The following ABCB5 variants were observed in gnomAD, a reference collection of about 807,000 sequenced individuals.
ABCB5 encodes ATP-binding cassette sub-family B member 5.
In ABCB5, 155 loss-of-function variants were observed where a neutral mutation model predicts 144.2. That is an observed-to-expected ratio of 1.08 (90% confidence interval 0.94 to 1.23). The LOEUF (loss-of-function observed/expected upper bound fraction) is 1.23. Ranked by LOEUF, ABCB5 falls within the 50% of genes most tolerant of loss-of-function variation. The pLI, the probability that ABCB5 is intolerant of heterozygous loss-of-function variation, is 0.00. For synonymous variants in ABCB5, 610 were observed against 528.6 expected (o/e 1.15, Z -2.11); for missense variants, 1,830 against 1,520.8 (o/e 1.20, Z -3.38).
At position 20,685,661 on chromosome 7, in the gene ABCB5, T is replaced by A. The variant is rs754135650; in HGVS notation, c.1870-35T>A. ...AAGTTTCCTTGAATTTTTAAGGCAT[T>A]CTTATAATGATAACCTATATATTCT... On this transcript the variant is annotated intron_variant, in intron 15 of 27. Transcript: ENST00000404938. 1.5e-5 allele frequency: 23 copies of A among 1,539,956 alleles called. 1 individual carries two copies. In the African/African-American group the frequency reaches 3.1e-4, roughly 21 times the overall value.
intron 26 of ABCB5, among the ~76,000 whole-genome samples, chr7:20,746,956 A>G (rs1439830278): frequency 6.6e-6 from 1 of 152,202 alleles, no homozygotes; most frequent in Non-Finnish European, 1.5e-5. Flanking sequence ...TCTTTGGTGA[A>G]GGCCAATAGC....
chr7:20,664,519 T>C (rs900250169), intron 14 of ABCB5, among the ~76,000 whole-genome samples: 2 of 152,198 alleles, frequency 1.3e-5, no homozygotes, highest in Non-Finnish European at 2.9e-5. Context: ...TTTTTGTAAA[T>C]TAAAATTATT....
At chr7:20,720,628 A>T (rs1279223037) in intron 20 of ABCB5, among the ~76,000 whole-genome samples, 1 of 152,214 alleles carries the variant, frequency 6.6e-6, no homozygotes, top group African/African-American at 2.4e-5. Flanking sequence ...ATCTTCAAAA[A>T]AGTCAAGGTC....
intron 26 of ABCB5, 47 bp downstream of exon 26, chr7:20,745,485 C>G: frequency 6.4e-7 from 1 of 1,566,974 alleles, no homozygotes; most frequent in African/African-American, 1.4e-5. Flanking sequence ...CCAAGTAAGG[C>G]TAAGTAGCTA....
At chr7:20,652,188 A>C (rs946894419) in intron 13 of ABCB5, among the ~76,000 whole-genome samples, 4 of 152,258 alleles carry the variant, frequency 2.6e-5, no homozygotes, top group Non-Finnish European at 4.4e-5. Flanking sequence ...AAAGTCATAC[A>C]CACAATGTTC....
rs764304731 is a variant in ABCB5 at position 20,651,636 on chromosome 7, T to C, written c.1536+13T>C. On this transcript the variant is annotated intron_variant, in intron 13 of 27. Coordinates refer to ENST00000404938, the MANE Select transcript of ABCB5 (RefSeq NM_001163941.2). ...GGAGTTTCCTAATGTGAGTACACTG[T>C]GCAGCCTGTGTCCTTAGCTTATGGT... 3 of 1,613,186 alleles carry C rather than the reference T, an allele frequency of 1.9e-6. No homozygotes were observed. Among genetic ancestry groups the C allele is most frequent in the Non-Finnish European group, 2.5e-6 (3 of 1,179,194 alleles).
chr7:20,735,424 G>C (rs1041469506), intron 23 of ABCB5, among the ~76,000 whole-genome samples: 3 of 152,236 alleles, frequency 2.0e-5, no homozygotes, highest in Non-Finnish European at 4.4e-5. Context: ...TGCCCTAGGA[G>C]GCTGGGCAGC....
At chr7:20,662,993 A>T (rs73684696) in intron 14 of ABCB5, among the ~76,000 whole-genome samples, 7,761 of 152,282 alleles carry the variant, frequency 0.051, 557 homozygotes, top group African/African-American at 0.16. Flanking sequence ...CACAAGATCC[A>T]TATAAGATTA....
intron 25 of ABCB5, among the ~76,000 whole-genome samples, chr7:20,744,525 T>G (rs1191490862): frequency 6.6e-6 from 1 of 151,950 alleles, no homozygotes; most frequent in Non-Finnish European, 1.5e-5. Flanking sequence ...CCTGTTACCC[T>G]GTCTTTAGGG....
chr7:20,732,487 G>A (rs938560009), intron 23 of ABCB5, among the ~76,000 whole-genome samples: 5 of 152,130 alleles, frequency 3.3e-5, no homozygotes, highest in African/African-American at 1.2e-4. Flanking sequence ...AAAACAAGTG[G>A]GTGGCACATA....
At chr7:20,674,622 G>A (rs1292427096) in intron 14 of ABCB5, among the ~76,000 whole-genome samples, 1 of 151,050 alleles carries the variant, frequency 6.6e-6, no homozygotes, top group Non-Finnish European at 1.5e-5. Context: ...CTTACCACTT[G>A]CATTCAACAA....
At chr7:20,639,798 GTTC>G in intron 5 of ABCB5, among the ~76,000 whole-genome samples, 1 of 152,162 alleles carries the variant, frequency 6.6e-6, no homozygotes, top group African/African-American at 2.4e-5. Flanking sequence ...CTCCAAATTT[GTTC>G]TTCTTTTTAA....
chr7:20,741,535 C>T (rs1782560775), intron 24 of ABCB5, among the ~76,000 whole-genome samples: 1 of 150,318 alleles, frequency 6.7e-6, no homozygotes, highest in African/African-American at 2.4e-5. Context: ...ACGACTACTA[C>T]ACTACTTTTA....
At position 20,723,194 on chromosome 7, in the gene ABCB5, A is replaced by G; in HGVS notation, c.2600A>G (p.Lys867Arg). Residue 867 changes from lysine (K) to arginine (R), a missense_variant, in exon 21 of 28, where the codon AAG (lysine) becomes AGG (arginine). By Grantham distance (26) the Lys-to-Arg change is conservative. Transcript: ENST00000404938. ...AAMTGFANKD[K>R]QELKHAGKIA... ...ATGACTGGATTTGCCAACAAAGATA[A>G]GCAAGAACTTAAGCATGCTGGAAAG... 1 of 1,614,190 alleles carries G rather than the reference A, an allele frequency of 6.2e-7. No homozygotes were observed. The highest frequency in any genetic ancestry group is 8.5e-7 in the Non-Finnish European group (1 of 1,180,044).
chr7:20,618,094 A>G (rs1466910546), intron 1 of ABCB5, among the ~76,000 whole-genome samples: 1 of 152,228 alleles, frequency 6.6e-6, no homozygotes, highest in Non-Finnish European at 1.5e-5. Context: ...TAAGATGTAC[A>G]ATTCAAAAGT....
rs763835293 is a variant in ABCB5, at chr7:20,711,782, T to TCTCTCTCTTTCTCTCTC, written c.2421+6975_2421+6976insCTCTCTCTTTCTCTCTC. Among the ~76,000 whole-genome samples, 20 of 72,262 alleles carry TCTCTCTCTTTCTCTCTC rather than the reference T, an allele frequency of 2.8e-4. 4 individuals carry two copies. In the East Asian group the frequency reaches 4.2e-3, roughly 15 times the overall value. The allele number at this position is 72,262 out of a possible 152,430, so 47.4% of individuals were successfully genotyped here. On this transcript the variant is annotated intron_variant, in intron 20 of 27. Transcript: ENST00000404938. The stretch of plus-strand genomic sequence containing the variant: ...CCTGCCTGCCTTTCCTTCTTTCTCT[T>TCTCTCTCTTTCTCTCTC]TCTTTCTTTCTTTCTTTCTTTCTTT...
At chr7:20,635,158 A>C (rs142943602) in intron 5 of ABCB5, among the ~76,000 whole-genome samples, 14 of 152,092 alleles carry the variant, frequency 9.2e-5, no homozygotes, top group African/African-American at 3.4e-4. Flanking sequence ...ATTAAATAGG[A>C]TGTCCTTTTC....
intron 5 of ABCB5, among the ~76,000 whole-genome samples, chr7:20,632,783 T>TTCTC (rs1784066180): frequency 6.6e-6 from 1 of 150,608 alleles, no homozygotes; most frequent in Non-Finnish European, 1.5e-5. Context: ...ACACCGCATA[T>TTCTC]TCTCACTCAT....
chr7:20,680,317 G>A (rs1209342111), intron 14 of ABCB5, among the ~76,000 whole-genome samples: 4 of 152,154 alleles, frequency 2.6e-5, no homozygotes, highest in Non-Finnish European at 4.4e-5. Context: ...CCAGCACTTT[G>A]GGAGGCCGAG....
Sources: allele counts gnomAD v4.1 joint callset (sites outside exome capture counted in the v4.1 genomes callset), GRCh38; gene constraint gnomAD v4.1.1; transcripts MANE v1.5; gene names NCBI Gene and HGNC (gene_info 2026-07-23, HGNC 2026-07-21).